The following N4BP2 variants were observed in gnomAD, a reference collection of about 807,000 sequenced individuals.
N4BP2 encodes the protein NEDD4 binding protein 2, also known as NEDD4-binding protein 2.
In N4BP2, 91 loss-of-function variants were observed where a neutral mutation model predicts 152.8. That is an observed-to-expected ratio of 0.60 (90% CI 0.50 to 0.71). The LOEUF (loss-of-function observed/expected upper bound fraction) is 0.71, where lower values mean the gene tolerates loss of function less well. Ranked by LOEUF, N4BP2 falls within the 30% of genes least tolerant of loss-of-function variation. The pLI is 0.00. For missense variants in N4BP2, 1,923 were observed against 2,059.1 expected, an observed-to-expected ratio of 0.93 and a Z score of 1.28; for synonymous variants, 646 against 705.3, an observed-to-expected ratio of 0.92 and a Z score of 1.33.
chr4:40,122,339 G>A, intron 9 of N4BP2, 30 bp downstream of exon 9: 1 of 1,411,356 alleles, frequency 7.1e-7, no homozygotes, highest in Non-Finnish European at 9.6e-7. Context: ...CCATGTGTGT[G>A]TCTTTGTGTG....
At chr4:40,079,939 A>G (rs537019698) in intron 2 of N4BP2, among the ~76,000 whole-genome samples, 1 of 152,296 alleles carries the variant, frequency 6.6e-6, no homozygotes, top group South Asian at 2.1e-4. Flanking sequence ...AATTTGAAAA[A>G]TGCATATATT....
intron 7 of N4BP2, among the ~76,000 whole-genome samples, chr4:40,116,960 C>G (rs1222172158): frequency 2.0e-5 from 3 of 152,070 alleles, no homozygotes; most frequent in Non-Finnish European, 1.5e-5. Context: ...TTGTAGATAA[C>G]TAGTTTTAAA....
chr4:40,083,028 A>C (rs549516733), intron 2 of N4BP2: 1 of 277,134 alleles, frequency 3.6e-6, no homozygotes, highest in East Asian at 1.0e-4. Flanking sequence ...GACTGTATAG[A>C]AAGAGGAGAT....
Position 40,120,970 on chromosome 4 carries a change from C to T in N4BP2, c.2859C>T (p.Leu953=), listed in dbSNP as rs1717847716. The change falls in exon 9 of 18, where the codon CTC becomes CTT. Residue 953 remains leucine, a synonymous_variant. Transcript: ENST00000261435. ...SSNLGSSEML[L]SEMTCESQTC... ...ATCTAGGAAGTTCTGAAATGCTGCT[C>T]AGTGAAATGACCTGTGAGAGTCAGA... The T allele has an allele frequency of 6.2e-7, 1 of 1,613,996 alleles. No individual in the cohort carries two copies. The highest frequency in any genetic ancestry group is 1.7e-5 in the Admixed American group (1 of 59,986).
chr4:40,187,388 C>T, the N4BP2 span, among the ~76,000 whole-genome samples: 4 of 152,218 alleles, frequency 2.6e-5, no homozygotes, highest in Non-Finnish European at 4.4e-5. Context: ...GTAATTAAAA[C>T]GACACTGGTC....
Position 40,120,932 on chromosome 4 carries a change from T to C in N4BP2, c.2821T>C (p.Leu941=), listed in dbSNP as rs747203550. 11 of 1,613,976 alleles carry C rather than the reference T, an allele frequency of 6.8e-6. No homozygotes were observed. In the East Asian group the frequency reaches 1.8e-4, roughly 26 times the overall value. ...WGTSSQKLKT[L]GSSNLGSSEM... is the part of the protein sequence containing the mutation. Reference sequence around the variant, plus strand: ...CACAAGCTCTCAAAAACTAAAGACATTGGGTAGCTCCAATCTAGGAAGTTC... The same window carrying C: ...CACAAGCTCTCAAAAACTAAAGACACTGGGTAGCTCCAATCTAGGAAGTTC... Residue 941 remains leucine, a synonymous_variant, in exon 9 of 18, where the codon TTG becomes CTG. Transcript: ENST00000261435.
At chr4:40,089,976 G>T (rs139555443) in intron 2 of N4BP2, among the ~76,000 whole-genome samples, 259 of 152,218 alleles carry the variant, frequency 1.7e-3, no homozygotes, top group African/African-American at 5.9e-3. Context: ...TTAGGTCAAG[G>T]TTTATTTTTT....
At chr4:40,147,685 C>T (rs1027827282) in intron 16 of N4BP2, among the ~76,000 whole-genome samples, 9 of 149,118 alleles carry the variant, frequency 6.0e-5, no homozygotes, top group Middle Eastern at 3.4e-3. Flanking sequence ...TGGGGGCTGA[C>T]CCCCCACCTC....
the N4BP2 span, among the ~76,000 whole-genome samples, chr4:40,178,116 T>C: frequency 2.6e-5 from 4 of 151,020 alleles, no homozygotes; most frequent in African/African-American, 9.7e-5. Context: ...GCCGAGATCA[T>C]GCCACTGCAC....
chr4:40,117,832 A>G (rs369903625), intron 7 of N4BP2, 37 bp from the exon 8 acceptor site: 1 of 1,544,818 alleles, frequency 6.5e-7, no homozygotes, highest in Non-Finnish European at 8.7e-7. Flanking sequence ...TTAATTATCA[A>G]TATTCCTTCA....
In N4BP2 at chr4:40,120,301, T is replaced by G. The variant is rs769314888; in HGVS notation, c.2190T>G (p.Ser730Arg). 1.2e-6 allele frequency: 2 copies of G among 1,612,480 alleles called. No homozygotes were observed. The highest frequency in any genetic ancestry group is 1.7e-6 in the Non-Finnish European group (2 of 1,179,626). ...GAGTATCACCTAGTACTTGCTGTAGTGAAAATAATCAAGAAGACTGTGATC... is the reference window on the plus strand; with the variant it reads ...GAGTATCACCTAGTACTTGCTGTAGGGAAAATAATCAAGAAGACTGTGATC... ...MERVSPSTCCSENNQEDCDLA... is the reference protein window; with the variant it reads ...MERVSPSTCCRENNQEDCDLA... Residue 730 changes from serine (S) to arginine (R), a missense_variant, in exon 9 of 18, where the codon AGT becomes AGG. Coordinates refer to ENST00000261435, the MANE Select transcript of N4BP2 (RefSeq NM_018177.6).
In N4BP2 at chr4:40,131,809, G is replaced by A; in HGVS notation, c.4536G>A (p.Glu1512=). The A allele has an allele frequency of 6.2e-7, 1 of 1,610,910 alleles. No individual in the cohort carries two copies. The highest frequency in any genetic ancestry group is 8.5e-7 in the Non-Finnish European group (1 of 1,177,802). ...ALQEKHNLKR[E]TLMFEKDCAT... Reference sequence around the variant, plus strand: ...TTATGTTTTTGTTTTAGAAAAGGGAGACCCTTATGTTTGAAAAAGATTGTG... The same window carrying A: ...TTATGTTTTTGTTTTAGAAAAGGGAAACCCTTATGTTTGAAAAAGATTGTG... Residue 1512 remains glutamate, a synonymous_variant, in exon 13 of 18, where the codon GAG becomes GAA. Coordinates refer to ENST00000261435, the MANE Select transcript of N4BP2 (RefSeq NM_018177.6).
intron 16 of N4BP2, among the ~76,000 whole-genome samples, chr4:40,150,701 G>A (rs1721075983): frequency 6.6e-6 from 1 of 150,906 alleles, no homozygotes; most frequent in Non-Finnish European, 1.5e-5. Flanking sequence ...GGAAGTCTAG[G>A]ATAAATGATC....
chr4:40,156,501 C>A lies in N4BP2; in HGVS notation c.*2264C>A, dbSNP rs1401949300. ...TATGAAGCTGCTTAATTCCAAATTG[C>A]CTCCCACCCCACTATCTAGCATAGT... On this transcript the variant is annotated 3_prime_UTR_variant, in exon 18 of 18. Transcript: ENST00000261435. The A allele has an allele frequency of 3.3e-5, 5 of 152,060 alleles. No individual in the cohort carries two copies. Among genetic ancestry groups the A allele is most frequent in the African/African-American group, 4.8e-5 (2 of 41,402 alleles). 9.4% of individuals were successfully genotyped at this position (152,060 alleles called of 1,614,324 possible). A position where few individuals can be genotyped will look rare whatever the true frequency, so the allele number is the denominator to read the frequency against.
At chr4:40,172,647 G>A in the N4BP2 span, among the ~76,000 whole-genome samples, 4 of 152,256 alleles carry the variant, frequency 2.6e-5, no homozygotes, top group South Asian at 8.3e-4. Context: ...CTGACACTTC[G>A]ATTTTGGAAT....
the N4BP2 span, among the ~76,000 whole-genome samples, chr4:40,165,398 G>A: frequency 3.9e-5 from 6 of 152,166 alleles, no homozygotes; most frequent in Middle Eastern, 3.4e-3. Flanking sequence ...ACAGGTGTGC[G>A]GCACCATGTC....
chr4:40,087,491 G>A (rs1714092779), intron 2 of N4BP2, among the ~76,000 whole-genome samples: 1 of 152,084 alleles, frequency 6.6e-6, no homozygotes, highest in Non-Finnish European at 1.5e-5. Flanking sequence ...AGCCTCTGGA[G>A]TAGCTGAGAT....
At chr4:40,137,996 T>G (rs2110024657) in intron 14 of N4BP2, among the ~76,000 whole-genome samples, 1 of 152,284 alleles carries the variant, frequency 6.6e-6, no homozygotes, top group Non-Finnish European at 1.5e-5. Context: ...GACAGGTGTT[T>G]GTTATCTCTA....
At chr4:40,169,862 G>A in the N4BP2 span, among the ~76,000 whole-genome samples, 2 of 151,444 alleles carry the variant, frequency 1.3e-5, no homozygotes, top group Non-Finnish European at 2.9e-5. Flanking sequence ...CTACTCGGGA[G>A]GCTGAGGCAG....
Sources: gnomAD v4.1 joint callset for allele counts (sites outside exome capture counted in the v4.1 genomes callset) on GRCh38, gnomAD v4.1.1 for gene constraint, MANE v1.5 for transcripts, NCBI Gene and HGNC (gene_info 2026-07-23, HGNC 2026-07-21) for gene names.